Variants in GMEB2 observed in about 807,000 individuals in gnomAD.
The protein encoded by GMEB2 is glucocorticoid modulatory element-binding protein 2.
GMEB2 carries 7 observed loss-of-function variants against 45.7 expected under a neutral mutation model. That is an observed-to-expected ratio of 0.15 (90% confidence interval 0.09 to 0.29). The LOEUF is 0.29. Among genes scored for constraint, GMEB2 ranks in the 10% least tolerant of loss-of-function variants. The pLI is 1.00. For missense variants in GMEB2, 582 were observed against 739.2 expected (o/e 0.79, Z 2.47); for synonymous variants, 322 against 323.6 (o/e 1.00, Z 0.05).
intron 4 of GMEB2, among the ~76,000 whole-genome samples, chr20:63,601,874 G>A (rs1373259841): frequency 3.5e-5 from 5 of 143,568 alleles, no homozygotes; most frequent in East Asian, 4.1e-4. Flanking sequence ...TGTGGCTTCC[G>A]TGCTGCCTGT....
chr20:63,620,172 T>C (rs909342), intron 1 of GMEB2, among the ~76,000 whole-genome samples: 76,952 of 152,126 alleles, frequency 0.51, 21,238 homozygotes, highest in Middle Eastern at 0.67. Flanking sequence ...GTGCTGGGAT[T>C]GCAGGTGTGA....
intron 4 of GMEB2, among the ~76,000 whole-genome samples, chr20:63,600,784 C>T (rs1289216568): frequency 6.7e-6 from 1 of 149,140 alleles, no homozygotes; most frequent in East Asian, 2.0e-4. Flanking sequence ...TTCACCTTGA[C>T]GTTTTTGGAG....
At chr20:63,610,411 C>T (rs1399883417) in intron 2 of GMEB2, among the ~76,000 whole-genome samples, 1 of 152,096 alleles carries the variant, frequency 6.6e-6, no homozygotes, top group East Asian at 1.9e-4. Flanking sequence ...GGCCCAGCTA[C>T]TCAGGAGGCT....
At chr20:63,599,238 C>T (rs1569050930) in intron 4 of GMEB2, among the ~76,000 whole-genome samples, 4 of 152,218 alleles carry the variant, frequency 2.6e-5, no homozygotes, top group South Asian at 2.1e-4. Context: ...TAACTCGGCC[C>T]GCTCCTGACC....
Position 63,592,713 on chromosome 20 carries a change from C to G in GMEB2, c.692-43G>C. The stretch of plus-strand genomic sequence containing the variant: ...GGTTCAGTGGGCAGGGAAAGTGCTG[C>G]TACACGGGGCAGCCACCACAGCCAC... On this transcript the variant is annotated intron_variant, in intron 7 of 9. Coordinates refer to ENST00000370077, the MANE Select transcript of GMEB2 (RefSeq NM_012384.5). This position sits in a 1 kb window ranked among gnomAD's most constrained non-coding sequence, Gnocchi z 8.2. 1 of 1,562,658 alleles carries G rather than the reference C, an allele frequency of 6.4e-7. No individual in the cohort carries two copies. The highest frequency in any genetic ancestry group is 8.8e-7 in the Non-Finnish European group (1 of 1,136,778).
intron 1 of GMEB2, among the ~76,000 whole-genome samples, chr20:63,621,006 C>T (rs1487328225): frequency 6.6e-6 from 1 of 152,108 alleles, no homozygotes; most frequent in African/African-American, 2.4e-5. Context: ...GGTATAGAAA[C>T]AGGAGTTATA....
At chr20:63,600,533 C>T (rs967291179) in intron 4 of GMEB2, among the ~76,000 whole-genome samples, 1 of 151,358 alleles carries the variant, frequency 6.6e-6, no homozygotes, top group Non-Finnish European at 1.5e-5. Flanking sequence ...GCCTGGCCAA[C>T]ATGGCAAAAC....
rs891700034 is a variant in GMEB2 at position 63,627,065 on chromosome 20, T to TCGG, written c.-170_-168dup. On this transcript the variant is annotated 5_prime_UTR_variant, in exon 1 of 10. Transcript: ENST00000370077. The stretch of plus-strand genomic sequence containing the variant: ...GCGGGCTTCGCTCCTTGTTGGGGAT[T>TCGG]CGGCGGCGGCGGCGGCGCGGGCGCG... 63 of 151,524 alleles carry TCGG rather than the reference T, an allele frequency of 4.2e-4. No homozygotes were observed. Among genetic ancestry groups the TCGG allele is most frequent in the South Asian group, 1.6e-3 (9 of 5,646 alleles). The allele number at this position is 151,524 out of a possible 1,614,324, so 9.4% of individuals were successfully genotyped here. A position where few individuals can be genotyped will look rare whatever the true frequency, so the allele number is the denominator to read the frequency against.
At chr20:63,620,187 C>T (rs1400113213) in intron 1 of GMEB2, among the ~76,000 whole-genome samples, 1 of 152,336 alleles carries the variant, frequency 6.6e-6, no homozygotes, top group Non-Finnish European at 1.5e-5. Flanking sequence ...GTGTGAGGCA[C>T]CATGCCTGGC....
At chr20:63,591,362 C>CA in intron 9 of GMEB2, among the ~76,000 whole-genome samples, 1 of 146,414 alleles carries the variant, frequency 6.8e-6, no homozygotes, top group Non-Finnish European at 1.5e-5. Flanking sequence ...AACACACACA[C>CA]AGTGAACACA....
rs532630390 is a variant in GMEB2 at position 63,591,231 on chromosome 20, G to T, written c.953-502C>A. Among the ~76,000 whole-genome samples the T allele has an allele frequency of 4.0e-5, 6 of 151,510 alleles. No individual in the cohort carries two copies. The South Asian group carries it at 1.3e-3, about 32-fold the overall frequency. ...TGAACACAAACAGTGAACACACAAA[G>T]TGAAGAGTGAACACACAGTGCACAC... is the stretch of plus-strand genomic sequence containing the variant. On this transcript the variant is annotated intron_variant, in intron 9 of 9. Transcript: ENST00000370077.
Position 63,627,013 on chromosome 20 carries a change from CGGCGGCGGCG to C in GMEB2, c.-125_-116del, listed in dbSNP as rs974817885. On this transcript the variant is annotated 5_prime_UTR_variant, in exon 1 of 10. Transcript: ENST00000370077. ...GCGGGGGCGGCGGCGTCGGGAGCTG[CGGCGGCGGCG>C]GGCGGCGGCGGCGGCCGCGGGCTTC... 1 of 147,860 alleles carries C rather than the reference CGGCGGCGGCG, an allele frequency of 6.8e-6. No individual in the cohort carries two copies. Among genetic ancestry groups the C allele is most frequent in the Non-Finnish European group, 1.5e-5 (1 of 67,624 alleles). The allele number at this position is 147,860 out of a possible 1,614,324, so 9.2% of individuals were successfully genotyped here.
chr20:63,613,803 C>T (rs1013369573), intron 2 of GMEB2, among the ~76,000 whole-genome samples: 5 of 152,188 alleles, frequency 3.3e-5, no homozygotes, highest in Admixed American at 3.3e-4. Flanking sequence ...TGAGCCACTG[C>T]GCCTGGCCCA....
chr20:63,606,961 G>A (rs1465813143), intron 2 of GMEB2, among the ~76,000 whole-genome samples: 3 of 152,216 alleles, frequency 2.0e-5, no homozygotes, highest in Non-Finnish European at 4.4e-5. Flanking sequence ...CAGGACGCAG[G>A]ACTCCAATGG....
intron 1 of GMEB2, among the ~76,000 whole-genome samples, chr20:63,625,593 T>C (rs1430550016): frequency 1.3e-5 from 2 of 151,370 alleles, no homozygotes; most frequent in African/African-American, 2.4e-5. Flanking sequence ...TGAGAAAATA[T>C]TTTATTTTAC....
At position 63,590,245 on chromosome 20, in the gene GMEB2, C is replaced by G. The variant is rs779894285; in HGVS notation, c.1437G>C (p.Thr479=). 2.5e-6 allele frequency: 4 copies of G among 1,612,130 alleles called. No individual in the cohort carries two copies. Among genetic ancestry groups the G allele is most frequent in the Non-Finnish European group, 2.5e-6 (3 of 1,179,740 alleles). ...FKVVSPLQLL[T]LPGLGPTLQN... Reference sequence around the variant, plus strand: ...GCAGGGTGGGGCCCAGGCCAGGCAACGTGAGCAGCTGTAGCGGGCTGACCA... The same window carrying G: ...GCAGGGTGGGGCCCAGGCCAGGCAAGGTGAGCAGCTGTAGCGGGCTGACCA... The change falls in exon 10 of 10, where the codon ACG becomes ACC. Residue 479 remains threonine (T), a synonymous_variant. Transcript: ENST00000370077.
rs1402797239 is a variant in GMEB2 at position 63,588,916 on chromosome 20, A to C, written c.*1173T>G. 1.3e-5 allele frequency: 5 copies of C among 398,736 alleles called. No homozygotes were observed. The highest frequency in any genetic ancestry group is 2.1e-5 in the African/African-American group (1 of 48,634). 24.7% of individuals were successfully genotyped at this position (398,736 alleles called of 1,614,324 possible). ...CAAGGCCAGGTCTCAGGACAGCCAC[A>C]GACAGCCCTTCCAGACAGGCTCTGG... On this transcript the variant is annotated 3_prime_UTR_variant, in exon 10 of 10. Transcript: ENST00000370077.
chr20:63,621,667 C>CAAAAAAAA (rs56222018), intron 1 of GMEB2, among the ~76,000 whole-genome samples: 1 of 54,610 alleles, frequency 1.8e-5, no homozygotes, highest in Non-Finnish European at 3.0e-5. Flanking sequence ...AACTCCATCT[C>CAAAAAAAA]AAAAAAAAAA....
chr20:63,595,038 C>G (rs1569048798), intron 6 of GMEB2, among the ~76,000 whole-genome samples: 1 of 152,208 alleles, frequency 6.6e-6, no homozygotes, highest in Non-Finnish European at 1.5e-5. Context: ...CCCAGCCTAA[C>G]TGTAGTTTTA....
Sources: gnomAD v4.1 joint callset for allele counts (sites outside exome capture counted in the v4.1 genomes callset) on GRCh38, gnomAD v4.1.1 for gene constraint, Gnocchi (gnomAD v3.1) non-coding constraint, MANE v1.5 for transcripts, NCBI Gene and HGNC (gene_info 2026-07-23, HGNC 2026-07-21) for gene names.